DCUN1D4: variants seen among roughly 807,000 people sequenced by gnomAD.
DCUN1D4 encodes defective in cullin neddylation 1 domain containing 4.
Under a neutral mutation model 47.9 loss-of-function variants are expected in DCUN1D4, and 22 were observed. The observed-to-expected ratio is 0.46, with a 90% CI of 0.33 to 0.66. The LOEUF (loss-of-function observed/expected upper bound fraction) is 0.66. Among genes scored for constraint, DCUN1D4 ranks in the 30% least tolerant of loss-of-function variants. DCUN1D4 has a pLI of 0.02. For synonymous variants in DCUN1D4, 121 were observed against 112.2 expected, an observed-to-expected ratio of 1.08 and a Z score of -0.50; for missense variants, 301 against 340.8, an observed-to-expected ratio of 0.88 and a Z score of 0.92.
intron 4 of DCUN1D4, 37 bp from the exon 5 acceptor site, chr4:51,877,726 T>C (rs1727916884): frequency 1.5e-6 from 2 of 1,338,058 alleles, no homozygotes; most frequent in South Asian, 1.3e-5. Flanking sequence ...GAACTCAGTA[T>C]CTTTAAATAA....
In DCUN1D4 at chr4:51,873,462, G is replaced by A. The variant is rs778001340; in HGVS notation, c.137-809G>A. ...GCCTGAAGCAAGACTGCCCAGATTCGAATCCTGGCTTTGCCGTTTGCCTAA... is the reference window on the plus strand; with the variant it reads ...GCCTGAAGCAAGACTGCCCAGATTCAAATCCTGGCTTTGCCGTTTGCCTAA... On this transcript the variant is annotated intron_variant, in intron 3 of 10. Coordinates refer to ENST00000334635, the MANE Select transcript of DCUN1D4 (RefSeq NM_001040402.3). 4.6e-5 allele frequency among the ~76,000 whole-genome samples: 7 copies of A among 152,250 alleles called. No individual in the cohort carries two copies. The East Asian group carries it at 1.4e-3, about 29-fold the overall frequency.
chr4:51,876,171 T>C (rs930362193), intron 4 of DCUN1D4, among the ~76,000 whole-genome samples: 1 of 152,188 alleles, frequency 6.6e-6, no homozygotes, highest in Non-Finnish European at 1.5e-5. Context: ...TTATACCAAA[T>C]GTCCAACAAT....
At chr4:51,866,520 T>C (rs1163972605) in intron 3 of DCUN1D4, among the ~76,000 whole-genome samples, 2 of 152,208 alleles carry the variant, frequency 1.3e-5, no homozygotes, top group African/African-American at 4.8e-5. Context: ...CTTTCTTTTT[T>C]AATGACTGTA....
At chr4:51,840,212 C>T (rs1333131875), upstream of DCUN1D4, among the ~76,000 whole-genome samples, 2 of 151,756 alleles carry the variant, frequency 1.3e-5, no homozygotes, top group Non-Finnish European at 2.9e-5. Context: ...ATTATTATCT[C>T]AGTAAACCTC....
intron 9 of DCUN1D4, 152 bp downstream of exon 9, chr4:51,911,326 T>TA (rs1733685877): frequency 2.9e-6 from 2 of 701,548 alleles, no homozygotes. Context: ...AGCAGCTACC[T>TA]ATCTTCTTGG....
intron 3 of DCUN1D4, among the ~76,000 whole-genome samples, chr4:51,873,669 C>G (rs891828466): frequency 6.6e-6 from 1 of 152,186 alleles, no homozygotes; most frequent in Non-Finnish European, 1.5e-5. Context: ...CAGACAATTA[C>G]CAAATGAAAG....
chr4:51,855,068 C>T (rs1051147682), intron 1 of DCUN1D4, among the ~76,000 whole-genome samples: 1 of 152,086 alleles, frequency 6.6e-6, no homozygotes, highest in East Asian at 1.9e-4. Flanking sequence ...AAAAGGAAGT[C>T]CCTATCCTCA....
At chr4:51,889,037 A>G (rs1730002253) in intron 6 of DCUN1D4, among the ~76,000 whole-genome samples, 1 of 152,086 alleles carries the variant, frequency 6.6e-6, no homozygotes, top group Non-Finnish European at 1.5e-5. Flanking sequence ...TGAGCCCAGG[A>G]GGTGGAGGTT....
intron 6 of DCUN1D4, among the ~76,000 whole-genome samples, chr4:51,889,156 G>GCA (rs1006092915): frequency 1.3e-5 from 2 of 152,122 alleles, no homozygotes; most frequent in African/African-American, 2.4e-5. Context: ...TATACTGTAT[G>GCA]TACTTCAATT....
chr4:51,880,737 T>C (rs1728466614), intron 5 of DCUN1D4, among the ~76,000 whole-genome samples: 1 of 152,252 alleles, frequency 6.6e-6, no homozygotes, highest in South Asian at 2.1e-4. Flanking sequence ...TTTGGTACTT[T>C]AGCTCTCTGT....
chr4:51,859,816 G>A (rs1215050121), intron 1 of DCUN1D4, among the ~76,000 whole-genome samples: 1 of 152,136 alleles, frequency 6.6e-6, no homozygotes, highest in African/African-American at 2.4e-5. Context: ...TGTCACACAG[G>A]AGAGTCAGAC....
intron 1 of DCUN1D4, among the ~76,000 whole-genome samples, chr4:51,858,164 C>T (rs530993295): frequency 6.6e-5 from 10 of 152,128 alleles, no homozygotes; most frequent in South Asian, 4.2e-4. Context: ...TATATATTTA[C>T]GGAGTACAAT....
the DCUN1D4 span, among the ~76,000 whole-genome samples, chr4:51,834,676 G>A: frequency 2.0e-5 from 3 of 152,092 alleles, no homozygotes; most frequent in African/African-American, 4.8e-5. Context: ...GCCTTGTCCC[G>A]AAAATGGGAG....
At chr4:51,836,825 A>G in the DCUN1D4 span, among the ~76,000 whole-genome samples, 1 of 152,104 alleles carries the variant, frequency 6.6e-6, no homozygotes, top group Non-Finnish European at 1.5e-5. Context: ...CTTTGCCATA[A>G]TGAGATGCTC....
intron 8 of DCUN1D4, among the ~76,000 whole-genome samples, chr4:51,908,190 G>A (rs1733183564): frequency 6.6e-6 from 1 of 152,154 alleles, no homozygotes. Flanking sequence ...GAATCTAGTT[G>A]TATATTGTGG....
Position 51,874,292 on chromosome 4 carries a change from C to A in DCUN1D4, c.158C>A (p.Ser53Tyr), listed in dbSNP as rs199634205. 377 of 1,612,604 alleles carry A rather than the reference C, an allele frequency of 2.3e-4. No homozygotes were observed. Among genetic ancestry groups the A allele is most frequent in the Admixed American group, 3.2e-4 (19 of 59,678 alleles). Residue 53 changes from serine (S) to tyrosine (Y), a missense_variant, in exon 4 of 11, where the codon TCT (serine) becomes TAT (tyrosine). Coordinates refer to ENST00000334635, the MANE Select transcript of DCUN1D4 (RefSeq NM_001040402.3). ...GTAGGAAGTCTGCGGTCTTGCAGTT[C>A]TTCAGACTGCTTTAATAAAGTGATG... ...HQTGSLRSCS[S>Y]SDCFNKVMPP... is the part of the protein sequence containing the mutation.
intron 1 of DCUN1D4, among the ~76,000 whole-genome samples, chr4:51,853,251 T>C (rs1339108146): frequency 2.0e-5 from 3 of 152,214 alleles, no homozygotes; most frequent in African/African-American, 4.8e-5. Context: ...AGCAATATGC[T>C]TGGATAGCTT....
chr4:51,877,979 T>TAGAC (rs3215145), intron 5 of DCUN1D4, 125 bp downstream of exon 5: 184,108 of 528,754 alleles, frequency 0.35, 39,429 homozygotes, highest in African/African-American at 0.72. Context: ...GTGTCCCTGT[T>TAGAC]AGAGGGAGAG....
At chr4:51,903,609 G>T (rs970991165) in intron 8 of DCUN1D4, among the ~76,000 whole-genome samples, 1 of 152,058 alleles carries the variant, frequency 6.6e-6, no homozygotes, top group African/African-American at 2.4e-5. Flanking sequence ...GCTCTTCTGC[G>T]ACTACAGTTA....
Sources: gnomAD v4.1 joint callset for allele counts (sites outside exome capture counted in the v4.1 genomes callset) on GRCh38, gnomAD v4.1.1 for gene constraint, MANE v1.5 for transcripts, NCBI Gene and HGNC (gene_info 2026-07-23, HGNC 2026-07-21) for gene names.